SLC45A4: variants seen among roughly 807,000 people sequenced by gnomAD.
SLC45A4 encodes the protein polyamine-transporter SLC45A4.
SLC45A4 carries 32 observed loss-of-function variants against 63.7 expected under a neutral mutation model. The ratio of observed to expected loss-of-function variants is 0.50; its 90% CI spans 0.38 to 0.67. SLC45A4 has a LOEUF of 0.67. Ranked by LOEUF, SLC45A4 falls within the 30% of genes least tolerant of loss-of-function variation. The pLI is 0.00. For missense variants in SLC45A4, 1,027 were observed against 1,157.7 expected (o/e 0.89, Z 1.64); for synonymous variants, 535 against 510.0 (o/e 1.05, Z -0.66).
chr8:141,249,017 T>TAAA (rs34897440), intron 2 of SLC45A4, among the ~76,000 whole-genome samples: 1 of 119,338 alleles, frequency 8.4e-6, no homozygotes, highest in Non-Finnish European at 1.8e-5. Context: ...GACCCCATCT[T>TAAA]AAAAAAAAAA....
At chr8:141,232,137 T>C (rs556580994) in intron 2 of SLC45A4, among the ~76,000 whole-genome samples, 36 of 152,320 alleles carry the variant, frequency 2.4e-4, no homozygotes, top group Admixed American at 8.5e-4. Context: ...CAATGGATTA[T>C]ATCATCTGCC....
Position 141,308,176 on chromosome 8 carries a change from G to A in SLC45A4, c.-481C>T, listed in dbSNP as rs28696116. 22,860 of 146,686 alleles carry A rather than the reference G, an allele frequency of 0.16. 2,219 individuals carry two copies. Among genetic ancestry groups the A allele is most frequent in the East Asian group, 0.38 (1,867 of 4,920 alleles). 9.1% of individuals were successfully genotyped at this position (146,686 alleles called of 1,614,324 possible). On this transcript the variant is annotated 5_prime_UTR_variant, in exon 1 of 9. Coordinates refer to ENST00000517878, the MANE Select transcript of SLC45A4 (RefSeq NM_001286646.2). Reference sequence around the variant, plus strand: ...AGGGGCTACGGGGGCGCGGAGCCCCGGGCGCACCGGGGTCGGGAGGCGGCT... The same window carrying A: ...AGGGGCTACGGGGGCGCGGAGCCCCAGGCGCACCGGGGTCGGGAGGCGGCT...
chr8:141,266,374 C>G (rs1029057002), intron 1 of SLC45A4, among the ~76,000 whole-genome samples: 5 of 152,206 alleles, frequency 3.3e-5, no homozygotes, highest in African/African-American at 1.2e-4. Context: ...CAGAAACAGG[C>G]ATGAGTAGGG....
At chr8:141,221,545 G>T in intron 3 of SLC45A4, 32 bp downstream of exon 3, 1 of 1,601,262 alleles carries the variant, frequency 6.2e-7, no homozygotes, top group Non-Finnish European at 8.5e-7. Flanking sequence ...CGTCTGTGTT[G>T]TGAGGACACC....
rs1825822693 is a variant in SLC45A4, at chr8:141,211,690, G to A, written c.2309C>T (p.Ala770Val). 1 of 1,583,606 alleles carries A rather than the reference G, an allele frequency of 6.3e-7. No homozygotes were observed. The highest frequency in any genetic ancestry group is 8.6e-7 in the Non-Finnish European group (1 of 1,165,082). The change falls in exon 9 of 9, where the codon GCA becomes GTA. Residue 770 changes from alanine to valine, a missense_variant. By Grantham distance (64) the Ala-to-Val change is moderately conservative (BLOSUM62 0). Coordinates refer to ENST00000517878, the MANE Select transcript of SLC45A4 (RefSeq NM_001286646.2). ...GPVETESVTP[A>V]GIDVCQISSH... The stretch of plus-strand genomic sequence containing the variant: ...CGAGATCTGACAGACGTCAATACCT[G>A]CAGGCGTCTACAGAGAGGAAATTTG...
At chr8:141,244,953 T>TGGGGGGGGGGGGGGGGGG (rs1332452740) in intron 2 of SLC45A4, among the ~76,000 whole-genome samples, 2 of 27,754 alleles carry the variant, frequency 7.2e-5, no homozygotes, top group Non-Finnish European at 6.1e-5. Context: ...CAAGAAGACG[T>TGGGGGGGGGGGGGGGGGG]GGGTGGGGGG....
chr8:141,292,629 TC>T (rs1830392356), intron 1 of SLC45A4: 1 of 152,376 alleles, frequency 6.6e-6, no homozygotes, highest in African/African-American at 2.4e-5. Flanking sequence ...CTTGCTGGTG[TC>T]CCTCAGCCCT....
At chr8:141,308,062 C>A (rs1476493901) in intron 1 of SLC45A4, 34 bp downstream of exon 1, 1 of 146,608 alleles carries the variant, frequency 6.8e-6, no homozygotes, top group African/African-American at 2.6e-5. Context: ...CAGGGGGCGG[C>A]GGGGCAGGCG....
chr8:141,209,297 T>C lies in SLC45A4; in HGVS notation c.*2275A>G, dbSNP rs1277277003. 6.6e-6 allele frequency: 1 copy of C among 152,394 alleles called. No homozygotes were observed. Among genetic ancestry groups the C allele is most frequent in the Non-Finnish European group, 1.5e-5 (1 of 68,148 alleles). 9.4% of individuals were successfully genotyped at this position (152,394 alleles called of 1,614,324 possible). The stretch of plus-strand genomic sequence containing the variant: ...CTTTGCAGACAAGACAGCCTGCCCG[T>C]CTGCCCTTCTTCTCGGCTTCCCTTA... On this transcript the variant is annotated 3_prime_UTR_variant, in exon 9 of 9. Coordinates refer to ENST00000517878, the MANE Select transcript of SLC45A4 (RefSeq NM_001286646.2).
chr8:141,260,364 A>AACCACTAAACT lies in SLC45A4; in HGVS notation c.-400-5736_-400-5735insAGTTTAGTGGT, dbSNP rs1244964289. Reference sequence around the variant, plus strand: ...AGGCAACTGTCCAAACAGTAATCTTAACAAGGCTAAATTAACCACTACAAC... The same window carrying AACCACTAAACT: ...AGGCAACTGTCCAAACAGTAATCTTAACCACTAAACTACAAGGCTAAATTAACCACTACAAC... On this transcript the variant is annotated intron_variant, in intron 1 of 8. Transcript: ENST00000517878. 2.0e-5 allele frequency among the ~76,000 whole-genome samples: 3 copies of AACCACTAAACT among 152,368 alleles called. No individual in the cohort carries two copies. In the East Asian group the frequency reaches 5.8e-4, roughly 29 times the overall value.
intron 1 of SLC45A4, among the ~76,000 whole-genome samples, chr8:141,294,931 G>A (rs1011931009): frequency 3.3e-5 from 5 of 152,224 alleles, no homozygotes; most frequent in African/African-American, 1.2e-4. Flanking sequence ...CGAAGGTGAG[G>A]AAAGTGAGTC....
At chr8:141,244,957 T>TGGGGGGGGGGGGGGGGGGG (rs1243475649) in intron 2 of SLC45A4, among the ~76,000 whole-genome samples, 1 of 8,408 alleles carries the variant, frequency 1.2e-4, no homozygotes, top group African/African-American at 4.6e-4. Flanking sequence ...AAGACGTGGG[T>TGGGGGGGGGGGGGGGGGGG]GGGGGGGGGG....
At position 141,207,562 on chromosome 8, in the gene SLC45A4, GT is replaced by G. The variant is rs1825584134; in HGVS notation, c.*4009del. The G allele has an allele frequency of 6.6e-6, 1 of 152,288 alleles. No homozygotes were observed. Among genetic ancestry groups the G allele is most frequent in the Non-Finnish European group, 1.5e-5 (1 of 68,058 alleles). The allele number at this position is 152,288 out of a possible 1,614,324, so 9.4% of individuals were successfully genotyped here. A position where few individuals can be genotyped will look rare whatever the true frequency, so the allele number is the denominator to read the frequency against. ...TTGATAAAAAGCTGTCCCGTGGCCA[GT>G]TCACAATGGAACTAAATAGTTTCGT... is the stretch of plus-strand genomic sequence containing the variant. On this transcript the variant is annotated 3_prime_UTR_variant, in exon 9 of 9. Coordinates refer to ENST00000517878, the MANE Select transcript of SLC45A4 (RefSeq NM_001286646.2).
At chr8:141,231,687 T>C (rs1214177808) in intron 2 of SLC45A4, among the ~76,000 whole-genome samples, 3 of 151,792 alleles carry the variant, frequency 2.0e-5, no homozygotes, top group Non-Finnish European at 4.4e-5. Context: ...TGGGGGACCC[T>C]CCCCCATCAG....
intron 1 of SLC45A4, among the ~76,000 whole-genome samples, chr8:141,275,870 C>T (rs917763853): frequency 3.3e-5 from 5 of 151,604 alleles, no homozygotes; most frequent in East Asian, 1.9e-4. Flanking sequence ...GTGTTATTTA[C>T]GCATGTTTCA....
chr8:141,296,498 C>CT (rs1251286867), intron 1 of SLC45A4, among the ~76,000 whole-genome samples: 2 of 51,418 alleles, frequency 3.9e-5, no homozygotes, highest in Non-Finnish European at 7.3e-5. Flanking sequence ...GACCTCATTT[C>CT]TTAAAAAAAA....
intron 2 of SLC45A4, among the ~76,000 whole-genome samples, chr8:141,253,569 TCA>T (rs780822174): frequency 1.3e-4 from 20 of 152,194 alleles, no homozygotes; most frequent in Non-Finnish European, 2.8e-4. Flanking sequence ...ACACAAAGAA[TCA>T]GAGTGTGGCA....
chr8:141,233,959 C>T (rs1401658773), intron 2 of SLC45A4, among the ~76,000 whole-genome samples: 1 of 152,222 alleles, frequency 6.6e-6, no homozygotes, highest in African/African-American at 2.4e-5. Context: ...TGAATCCCAG[C>T]TCTACCATCT....
intron 1 of SLC45A4, among the ~76,000 whole-genome samples, chr8:141,255,966 G>C (rs1828758420): frequency 6.6e-6 from 1 of 152,024 alleles, no homozygotes; most frequent in Admixed American, 6.6e-5. Flanking sequence ...AGTACCTAGG[G>C]GTTCGGAGAC....
Sources: allele counts gnomAD v4.1 joint callset (sites outside exome capture counted in the v4.1 genomes callset), GRCh38; gene constraint gnomAD v4.1.1; transcripts MANE v1.5; gene names NCBI Gene and HGNC (gene_info 2026-07-23, HGNC 2026-07-21).